Variants in FST observed in about 807,000 individuals in gnomAD.
The protein encoded by FST is activin-binding protein.
In FST, 6 loss-of-function variants were observed where a neutral mutation model predicts 38.4. That is an observed-to-expected ratio of 0.16 (90% confidence interval 0.09 to 0.31). The LOEUF (loss-of-function observed/expected upper bound fraction) is 0.31, where lower values mean the gene tolerates loss of function less well. FST is among the 10% of genes least tolerant of loss of function. FST has a pLI of 1.00. For missense variants in FST, 301 were observed against 432.3 expected, an observed-to-expected ratio of 0.70 and a Z score of 2.69; for synonymous variants, 157 against 169.8, an observed-to-expected ratio of 0.92 and a Z score of 0.59.
chr5:53,483,250 T>C lies in FST; in HGVS notation c.277+179T>C, dbSNP rs1747350212. The stretch of plus-strand genomic sequence containing the variant: ...TCTGCCTGTTACAGGCTGTAGGGAA[T>C]ACACGCCAGACTTCTTAGCCAAGTG... On this transcript the variant is annotated intron_variant, in intron 2 of 5. Coordinates refer to ENST00000256759, the MANE Select transcript of FST (RefSeq NM_013409.3). This position sits in a 1 kb window ranked among gnomAD's most constrained non-coding sequence, Gnocchi z 4.1. Among the ~76,000 whole-genome samples, 1 of 152,220 alleles carries C rather than the reference T, an allele frequency of 6.6e-6. No homozygotes were observed. The highest frequency in any genetic ancestry group is 2.1e-4 in the South Asian group (1 of 4,830).
At position 53,482,903 on chromosome 5, in the gene FST, G is replaced by A; in HGVS notation, c.109G>A (p.Ala37Thr). 19 of 1,610,020 alleles carry A rather than the reference G, an allele frequency of 1.2e-5. No individual in the cohort carries two copies. Among genetic ancestry groups the A allele is most frequent in the Non-Finnish European group, 1.5e-5 (18 of 1,177,446 alleles). The change falls in exon 2 of 6, where the codon GCG becomes ACG. Residue 37 changes from alanine to threonine, a missense_variant. Transcript: ENST00000256759. ...AQAGNCWLRQ[A>T]KNGRCQVLYK... ...AGCTGGGAACTGCTGGCTCCGTCAAGCGAAGAACGGCCGCTGCCAGGTCCT... is the reference window on the plus strand; with the variant it reads ...AGCTGGGAACTGCTGGCTCCGTCAAACGAAGAACGGCCGCTGCCAGGTCCT...
At position 53,486,611 on chromosome 5, in the gene FST, A is replaced by G. The variant is rs1747561647; in HGVS notation, c.*578A>G. The G allele has an allele frequency of 6.6e-6, 1 of 152,290 alleles. No individual in the cohort carries two copies. The highest frequency in any genetic ancestry group is 1.5e-5 in the Non-Finnish European group (1 of 68,094). The allele number at this position is 152,290 out of a possible 1,614,324, so 9.4% of individuals were successfully genotyped here. On this transcript the variant is annotated 3_prime_UTR_variant, in exon 6 of 6. Transcript: ENST00000256759. ...ACATGATCCCTCGGGTTTTGTTTAC[A>G]AGGAACCTTGACTGACCAAAAGGCA...
chr5:53,483,635 A>C lies in FST; in HGVS notation c.409A>C (p.Lys137Gln). Residue 137 changes from lysine (K) to glutamine (Q), a missense_variant, in exon 3 of 6, where the codon AAA becomes CAA. Coordinates refer to ENST00000256759, the MANE Select transcript of FST (RefSeq NM_013409.3). The surrounding 1 kb of genome is among the most constrained non-coding windows in gnomAD (Gnocchi z 4.1). ...WKGPVCGLDG[K>Q]TYRNECALLK... ...GGGTCCAGTCTGCGGGCTGGATGGG[A>C]AAACCTACCGCAATGAATGTGCACT... 6.2e-7 allele frequency: 1 copy of C among 1,614,160 alleles called. No individual in the cohort carries two copies. Among genetic ancestry groups the C allele is most frequent in the Non-Finnish European group, 8.5e-7 (1 of 1,179,970 alleles).
At chr5:53,482,714 T>A in intron 1 of FST, 166 bp from the exon 2 acceptor site, 1 of 477,350 alleles carries the variant, frequency 2.1e-6, no homozygotes, top group Non-Finnish European at 3.9e-6. Context: ...CCTCCACCCC[T>A]TTCGATTTAT....
At chr5:53,482,194 A>C (rs1747261179) in intron 1 of FST, among the ~76,000 whole-genome samples, 1 of 151,482 alleles carries the variant, frequency 6.6e-6, no homozygotes, top group Non-Finnish European at 1.5e-5. Flanking sequence ...CATTTTTCAG[A>C]AGTGCCTTTT....
At position 53,482,872 on chromosome 5, in the gene FST, C is replaced by A; in HGVS notation, c.86-8C>A. 6.3e-7 allele frequency: 1 copy of A among 1,585,326 alleles called. No individual in the cohort carries two copies. The highest frequency in any genetic ancestry group is 8.6e-7 in the Non-Finnish European group (1 of 1,160,392). On this transcript the variant is annotated splice_region_variant and splice_polypyrimidine_tract_variant and intron_variant, in intron 1 of 5. Coordinates refer to ENST00000256759, the MANE Select transcript of FST (RefSeq NM_013409.3). ...CTCACCCACCTCCCCACCCTTGTCT[C>A]TTCACAGCTGGGAACTGCTGGCTCC... is the stretch of plus-strand genomic sequence containing the variant.
intron 1 of FST, among the ~76,000 whole-genome samples, chr5:53,482,167 G>A (rs1018982598): frequency 2.0e-5 from 3 of 152,212 alleles, no homozygotes; most frequent in Admixed American, 2.0e-4. Context: ...GGCTGGGCCG[G>A]GTTGCTTTTT....
chr5:53,485,173 G>A lies in FST; in HGVS notation c.898G>A (p.Ala300Thr). 6.2e-7 allele frequency: 1 copy of A among 1,613,216 alleles called. No individual in the cohort carries two copies. The highest frequency in any genetic ancestry group is 8.5e-7 in the Non-Finnish European group (1 of 1,179,192). The change falls in exon 5 of 6, where the codon GCT becomes ACT. Residue 300 changes from alanine (A) to threonine (T), a missense_variant. Ala to Thr is a moderately conservative substitution (Grantham distance 58). Coordinates refer to ENST00000256759, the MANE Select transcript of FST (RefSeq NM_013409.3). Reference sequence around the variant, plus strand: ...TGCCAGCGAGTGTGCCATGAAGGAAGCTGCCTGCTCCTCAGGTGTGCTACT... The same window carrying A: ...TGCCAGCGAGTGTGCCATGAAGGAAACTGCCTGCTCCTCAGGTGTGCTACT... ...TYASECAMKE[A>T]ACSSGVLLEV... is the part of the protein sequence containing the mutation.
At position 53,483,834 on chromosome 5, in the gene FST, T is replaced by C; in HGVS notation, c.496+112T>C. The stretch of plus-strand genomic sequence containing the variant: ...GATGGTGTAGTCCGCAGTAAGAGCC[T>C]GATAATAGTAATACTGAAACCAAAT... On this transcript the variant is annotated intron_variant, in intron 3 of 5. Coordinates refer to ENST00000256759, the MANE Select transcript of FST (RefSeq NM_013409.3). The surrounding 1 kb of genome is among the most constrained non-coding windows in gnomAD (Gnocchi z 4.1). 1 of 766,378 alleles carries C rather than the reference T, an allele frequency of 1.3e-6. No homozygotes were observed. The highest frequency in any genetic ancestry group is 2.2e-6 in the Non-Finnish European group (1 of 464,100). The allele number at this position is 766,378 out of a possible 1,614,324, so 47.5% of individuals were successfully genotyped here.
chr5:53,484,060 T>G lies in FST; in HGVS notation c.497-9T>G. On this transcript the variant is annotated splice_polypyrimidine_tract_variant and intron_variant, in intron 3 of 5. Coordinates refer to ENST00000256759, the MANE Select transcript of FST (RefSeq NM_013409.3). ...TACCTATTCATGTGTGTTTCCTTCTTTGTTCCAGAGACTTGTCGGGATGTT... is the reference window on the plus strand; with the variant it reads ...TACCTATTCATGTGTGTTTCCTTCTGTGTTCCAGAGACTTGTCGGGATGTT... 1.9e-6 allele frequency: 3 copies of G among 1,611,934 alleles called. No homozygotes were observed. The highest frequency in any genetic ancestry group is 3.4e-4 in the Middle Eastern group (2 of 5,958).
In FST at chr5:53,484,313, G is replaced by A; in HGVS notation, c.721+20G>A. On this transcript the variant is annotated intron_variant, in intron 4 of 5. Coordinates refer to ENST00000256759, the MANE Select transcript of FST (RefSeq NM_013409.3). ...GTATCAGTAGGTATTCTGGATTGAGGAAGGAAAAAGAGAAAACAGGCTAGT... is the reference window on the plus strand; with the variant it reads ...GTATCAGTAGGTATTCTGGATTGAGAAAGGAAAAAGAGAAAACAGGCTAGT... 1 of 1,608,258 alleles carries A rather than the reference G, an allele frequency of 6.2e-7. No homozygotes were observed. The highest frequency in any genetic ancestry group is 8.5e-7 in the Non-Finnish European group (1 of 1,176,564).
At position 53,486,155 on chromosome 5, in the gene FST, G is replaced by T; in HGVS notation, c.*122G>T. On this transcript the variant is annotated 3_prime_UTR_variant, in exon 6 of 6. Coordinates refer to ENST00000256759, the MANE Select transcript of FST (RefSeq NM_013409.3). ...TAAATAAGTGTATGCTTATTTATTTGGGGGGAAAACTATACATTAAAGGAC... is the reference window on the plus strand; with the variant it reads ...TAAATAAGTGTATGCTTATTTATTTTGGGGGAAAACTATACATTAAAGGAC... 1.8e-6 allele frequency: 1 copy of T among 556,862 alleles called. No individual in the cohort carries two copies. The highest frequency in any genetic ancestry group is 3.1e-6 in the Non-Finnish European group (1 of 325,526). 34.5% of individuals were successfully genotyped at this position (556,862 alleles called of 1,614,324 possible). A position where few individuals can be genotyped will look rare whatever the true frequency, so the allele number is the denominator to read the frequency against.
In FST at chr5:53,480,894, C is replaced by A; in HGVS notation, c.85+18C>A. 7.0e-7 allele frequency: 1 copy of A among 1,433,944 alleles called. No homozygotes were observed. The highest frequency in any genetic ancestry group is 1.3e-5 in the South Asian group (1 of 79,636). 88.8% of individuals were successfully genotyped at this position (1,433,944 alleles called of 1,614,324 possible). A position where few individuals can be genotyped will look rare whatever the true frequency, so the allele number is the denominator to read the frequency against. Reference sequence around the variant, plus strand: ...TGCCCAGGGTAAGCGAGTGGGGATGCGCTGGGGAGGCTTGGCTGAGGACAG... The same window carrying A: ...TGCCCAGGGTAAGCGAGTGGGGATGAGCTGGGGAGGCTTGGCTGAGGACAG... On this transcript the variant is annotated intron_variant, in intron 1 of 5. Transcript: ENST00000256759.
At chr5:53,481,424 C>T (rs986070225) in intron 1 of FST, among the ~76,000 whole-genome samples, 3 of 123,376 alleles carry the variant, frequency 2.4e-5, no homozygotes, top group Admixed American at 2.0e-4. Context: ...AGCTTTCTGC[C>T]TAGTGGATGC....
chr5:53,484,356 G>T, intron 4 of FST, 63 bp downstream of exon 4: 1 of 1,539,090 alleles, frequency 6.5e-7, no homozygotes, highest in South Asian at 1.2e-5. Context: ...TTAAACTGTG[G>T]GGTTAACTAA....
At position 53,480,814 on chromosome 5, in the gene FST, C is replaced by T; in HGVS notation, c.23C>T (p.Pro8Leu). The T allele has an allele frequency of 3.9e-6, 6 of 1,523,874 alleles. No individual in the cohort carries two copies. The highest frequency in any genetic ancestry group is 5.3e-6 in the Non-Finnish European group (6 of 1,133,208). The allele number at this position is 1,523,874 out of a possible 1,614,324, so 94.4% of individuals were successfully genotyped here. Residue 8 changes from proline (P) to leucine (L), a missense_variant, in exon 1 of 6, where the codon CCG (proline) becomes CTG (leucine). Pro to Leu is a moderately conservative substitution (Grantham distance 98). Transcript: ENST00000256759. ...AGGATGGTCCGCGCGAGGCACCAGCCGGGTGGGCTTTGCCTCCTGCTGCTG... is the reference window on the plus strand; with the variant it reads ...AGGATGGTCCGCGCGAGGCACCAGCTGGGTGGGCTTTGCCTCCTGCTGCTG... MVRARHQ[P>L]GGLCLLLLLL...
Position 53,483,643 on chromosome 5 carries a change from C to T in FST, c.417C>T (p.Tyr139=), listed in dbSNP as rs2112339292. Reference sequence around the variant, plus strand: ...TCTGCGGGCTGGATGGGAAAACCTACCGCAATGAATGTGCACTCCTAAAGG... The same window carrying T: ...TCTGCGGGCTGGATGGGAAAACCTATCGCAATGAATGTGCACTCCTAAAGG... ...GPVCGLDGKT[Y]RNECALLKAR... The change falls in exon 3 of 6, where the codon TAC becomes TAT. Residue 139 remains tyrosine (Y), a synonymous_variant. Coordinates refer to ENST00000256759, the MANE Select transcript of FST (RefSeq NM_013409.3). The surrounding 1 kb of genome is among the most constrained non-coding windows in gnomAD (Gnocchi z 4.1). The T allele has an allele frequency of 1.9e-6, 3 of 1,614,158 alleles. No individual in the cohort carries two copies. Among genetic ancestry groups the T allele is most frequent in the South Asian group, 2.2e-5 (2 of 91,076 alleles).
chr5:53,485,840 G>A, intron 5 of FST, 111 bp from the exon 6 acceptor site: 2 of 1,597,064 alleles, frequency 1.3e-6, no homozygotes, highest in Non-Finnish European at 8.5e-7. Flanking sequence ...ACATAAAAAT[G>A]CAACGCTGTA....
At chr5:53,482,281 TTCTC>T (rs1474307858) in intron 1 of FST, among the ~76,000 whole-genome samples, 1 of 151,928 alleles carries the variant, frequency 6.6e-6, no homozygotes, top group Non-Finnish European at 1.5e-5. Flanking sequence ...TTTTCTTTCT[TTCTC>T]TTTCTTTTCT....
Sources: gnomAD v4.1 joint callset for allele counts (sites outside exome capture counted in the v4.1 genomes callset) on GRCh38, gnomAD v4.1.1 for gene constraint, Gnocchi (gnomAD v3.1) non-coding constraint, MANE v1.5 for transcripts, NCBI Gene and HGNC (gene_info 2026-07-23, HGNC 2026-07-21) for gene names.